Variants in ANO10 observed in about 807,000 individuals in gnomAD.
ANO10 encodes the protein anoctamin-10.
In ANO10, 77 loss-of-function variants were observed where a neutral mutation model predicts 74.7. The observed-to-expected ratio is 1.03, with a 90% CI of 0.86 to 1.25. The LOEUF is 1.25. Among genes scored for constraint, ANO10 ranks in the 50% most tolerant of loss-of-function variants. The pLI, the probability that ANO10 is intolerant of heterozygous loss-of-function variation, is 0.00. For synonymous variants in ANO10, 279 were observed against 284.9 expected, an observed-to-expected ratio of 0.98 and a Z score of 0.21; for missense variants, 721 against 778.1, an observed-to-expected ratio of 0.93 and a Z score of 0.87.
intron 1 of ANO10, among the ~76,000 whole-genome samples, chr3:43,619,497 AT>A: frequency 6.6e-6 from 1 of 152,262 alleles, no homozygotes; most frequent in African/African-American, 2.4e-5. Flanking sequence ...AATTTGTACT[AT>A]TTTTGCAACT....
At position 43,366,819 on chromosome 3, in the gene ANO10, G is replaced by A; in HGVS notation, c.*87C>T. 1 of 1,367,526 alleles carries A rather than the reference G, an allele frequency of 7.3e-7. No individual in the cohort carries two copies. Among genetic ancestry groups the A allele is most frequent in the Non-Finnish European group, 1.0e-6 (1 of 982,066 alleles). 84.7% of individuals were successfully genotyped at this position (1,367,526 alleles called of 1,614,324 possible). ...TGGGTCTGGGTTCAGGAGCCACGAT[G>A]CTGCCCCGGGTACCCCCCCTGCCAC... On this transcript the variant is annotated 3_prime_UTR_variant, in exon 13 of 13. Coordinates refer to ENST00000292246, the MANE Select transcript of ANO10 (RefSeq NM_018075.5).
At position 43,580,342 on chromosome 3, in the gene ANO10, CT is replaced by C. The variant is rs746849526; in HGVS notation, c.592+10del. On this transcript the variant is annotated intron_variant, in intron 5 of 12. Transcript: ENST00000292246. ...TTCCTCTTCTTTAAGAGAACAAGTA[CT>C]GACACATACCTATGGGCTGATACTT... The C allele has an allele frequency of 1.9e-6, 3 of 1,613,522 alleles. No homozygotes were observed.
intron 8 of ANO10, among the ~76,000 whole-genome samples, chr3:43,562,166 T>G (rs1460803474): frequency 1.3e-5 from 2 of 151,504 alleles, no homozygotes; most frequent in African/African-American, 4.8e-5. Context: ...AGATGGAAAG[T>G]TTGAGGCCGG....
intron 1 of ANO10, among the ~76,000 whole-genome samples, chr3:43,673,670 C>CT (rs1382738686): frequency 2.0e-5 from 3 of 152,070 alleles, no homozygotes; most frequent in East Asian, 3.8e-4. Flanking sequence ...AGAAAAATAT[C>CT]TTTTTTAAAA....
chr3:43,534,404 A>T (rs2078606516), intron 11 of ANO10, among the ~76,000 whole-genome samples: 2 of 152,190 alleles, frequency 1.3e-5, no homozygotes, highest in Non-Finnish European at 2.9e-5. Flanking sequence ...TGGCCATCTG[A>T]ATGCCTTCTG....
intron 11 of ANO10, among the ~76,000 whole-genome samples, chr3:43,498,731 C>T (rs1160598651): frequency 2.0e-5 from 3 of 152,168 alleles, no homozygotes; most frequent in South Asian, 2.1e-4. Flanking sequence ...CTTATTCTTG[C>T]GCATCCCCAG....
rs2078263056 is a variant in ANO10, at chr3:43,527,603, A to C, written c.1797+22117T>G. Among the ~76,000 whole-genome samples, 3 of 152,204 alleles carry C rather than the reference A, an allele frequency of 2.0e-5. 1 individual carries two copies. The South Asian group carries it at 6.2e-4, about 32-fold the overall frequency. On this transcript the variant is annotated intron_variant, in intron 11 of 12. Coordinates refer to ENST00000292246, the MANE Select transcript of ANO10 (RefSeq NM_018075.5). ...GACAAACTAACCATTCCTCATACCTACAACATTAACTAGGAGATAAGCAAT... is the reference window on the plus strand; with the variant it reads ...GACAAACTAACCATTCCTCATACCTCCAACATTAACTAGGAGATAAGCAAT...
intron 11 of ANO10, among the ~76,000 whole-genome samples, chr3:43,476,790 C>T (rs552024414): frequency 6.6e-6 from 1 of 152,182 alleles, no homozygotes; most frequent in East Asian, 1.9e-4. Flanking sequence ...AGTAACTGCT[C>T]AAAGAAAATG....
At chr3:43,433,119 A>AT (rs2093015242) in intron 11 of ANO10, among the ~76,000 whole-genome samples, 1 of 150,704 alleles carries the variant, frequency 6.6e-6, no homozygotes, top group East Asian at 2.0e-4. Flanking sequence ...TTTTTTTTGT[A>AT]TTTTTTAGTA....
intron 11 of ANO10, among the ~76,000 whole-genome samples, chr3:43,442,757 T>C (rs2093179392): frequency 6.6e-6 from 1 of 152,194 alleles, no homozygotes; most frequent in Admixed American, 6.6e-5. Flanking sequence ...AACTCTGCCA[T>C]TCCTTGCAAC....
intron 11 of ANO10, among the ~76,000 whole-genome samples, chr3:43,444,071 C>T (rs541598599): frequency 6.6e-6 from 1 of 152,290 alleles, no homozygotes; most frequent in South Asian, 2.1e-4. Flanking sequence ...TAAAGGGTTA[C>T]AGACAAATTA....
At chr3:43,544,636 T>C (rs559385323) in intron 11 of ANO10, among the ~76,000 whole-genome samples, 6 of 151,764 alleles carry the variant, frequency 4.0e-5, no homozygotes, top group African/African-American at 1.4e-4. Flanking sequence ...CTACTAAAAA[T>C]ACAAATATTA....
intron 1 of ANO10, among the ~76,000 whole-genome samples, chr3:43,661,361 A>AT (rs1218742372): frequency 1.3e-5 from 2 of 152,342 alleles, no homozygotes; most frequent in Non-Finnish European, 1.5e-5. Flanking sequence ...ATGCTGAAAG[A>AT]TTTTGTCATC....
intron 11 of ANO10, among the ~76,000 whole-genome samples, chr3:43,511,096 T>G (rs2077491759): frequency 6.6e-6 from 1 of 152,180 alleles, no homozygotes; most frequent in South Asian, 2.1e-4. Context: ...TTCATGCTCT[T>G]TATGATTTCA....
intron 1 of ANO10, among the ~76,000 whole-genome samples, chr3:43,681,168 T>G (rs2084192471): frequency 6.6e-6 from 1 of 152,064 alleles, no homozygotes; most frequent in African/African-American, 2.4e-5. Flanking sequence ...ATCAGTGTAT[T>G]ATATTCGGGA....
chr3:43,535,130 C>T (rs1457194452), intron 11 of ANO10, among the ~76,000 whole-genome samples: 3 of 151,920 alleles, frequency 2.0e-5, no homozygotes, highest in African/African-American at 4.8e-5. Flanking sequence ...TGCACCACCA[C>T]ACCCGGCTAA....
intron 4 of ANO10, among the ~76,000 whole-genome samples, chr3:43,581,368 T>C (rs1201268145): frequency 1.3e-5 from 2 of 152,246 alleles, no homozygotes; most frequent in Admixed American, 6.5e-5. Context: ...CTCATGCATA[T>C]ATCTGGAAGA....
At chr3:43,483,758 A>G (rs1483395733) in intron 11 of ANO10, among the ~76,000 whole-genome samples, 1 of 152,182 alleles carries the variant, frequency 6.6e-6, no homozygotes, top group Admixed American at 6.5e-5. Flanking sequence ...ACGTAAATCA[A>G]TACATGGAAG....
chr3:43,558,612 T>C (rs2079876922), intron 9 of ANO10, among the ~76,000 whole-genome samples: 1 of 152,222 alleles, frequency 6.6e-6, no homozygotes, highest in African/African-American at 2.4e-5. Context: ...AAATTGCTTT[T>C]TCCCAAAGCT....
Sources: gnomAD v4.1 joint callset for allele counts (sites outside exome capture counted in the v4.1 genomes callset) on GRCh38, gnomAD v4.1.1 for gene constraint, MANE v1.5 for transcripts, NCBI Gene and HGNC (gene_info 2026-07-23, HGNC 2026-07-21) for gene names.